The following ABCA13 variants were observed in gnomAD, a reference collection of about 807,000 sequenced individuals.
ABCA13 encodes ATP-binding cassette sub-family A member 13.
Under a neutral mutation model 478.7 loss-of-function variants are expected in ABCA13, and 476 were observed. The ratio of observed to expected loss-of-function variants is 0.99; its 90% CI spans 0.92 to 1.07. The LOEUF is 1.07. Among genes scored for constraint, ABCA13 ranks in the 50% least tolerant of loss-of-function variants. ABCA13 has a pLI of 0.00. For synonymous variants in ABCA13, 2,252 were observed against 2,158.9 expected, an observed-to-expected ratio of 1.04 and a Z score of -1.20; for missense variants, 6,060 against 5,910.6, an observed-to-expected ratio of 1.03 and a Z score of -0.83.
At chr7:48,481,489 A>G (rs547177906) in intron 46 of ABCA13, among the ~76,000 whole-genome samples, 28 of 152,322 alleles carry the variant, frequency 1.8e-4, no homozygotes, top group African/African-American at 6.0e-4. Context: ...TGCTGGGGGA[A>G]ATCCTATCAA....
In ABCA13 at chr7:48,352,472, G is replaced by C. The variant is rs907405811; in HGVS notation, c.10673G>C (p.Cys3558Ser). Residue 3558 changes from cysteine to serine, a missense_variant, in exon 31 of 62, where the codon TGC becomes TCC. By Grantham distance (112) the Cys-to-Ser change is moderately radical. Coordinates refer to ENST00000435803, the MANE Select transcript of ABCA13 (RefSeq NM_152701.5). ...CAGACTCAGGCGGCCCCTTACCCCT[G>C]CCATACCAGCGACCTGTGAGTAGCC... The part of the protein sequence containing the change: ...AAQTQAAPYP[C>S]HTSDLFLNNV... 8.1e-6 allele frequency: 13 copies of C among 1,604,358 alleles called. No homozygotes were observed. The highest frequency in any genetic ancestry group is 3.4e-5 in the Admixed American group (2 of 59,350).
intron 55 of ABCA13, among the ~76,000 whole-genome samples, chr7:48,548,814 T>G (rs4464912): frequency 0.73 from 110,951 of 151,334 alleles, 42,307 homozygotes; most frequent in African/African-American, 0.91. Flanking sequence ...ATGCCTTGCT[T>G]GCACAGCTTC....
At chr7:48,255,171 G>A (rs973404926) in intron 15 of ABCA13, among the ~76,000 whole-genome samples, 2 of 152,156 alleles carry the variant, frequency 1.3e-5, no homozygotes, top group African/African-American at 4.8e-5. Flanking sequence ...TAACCTCTGA[G>A]TGAGAAAGGC....
At chr7:48,282,462 C>T (rs1335823504) in intron 19 of ABCA13, among the ~76,000 whole-genome samples, 2 of 152,092 alleles carry the variant, frequency 1.3e-5, no homozygotes, top group Non-Finnish European at 2.9e-5. Context: ...GTTTTGACAA[C>T]ATGAATCGAA....
chr7:48,298,133 G>T (rs913732959), intron 22 of ABCA13, among the ~76,000 whole-genome samples: 8 of 152,074 alleles, frequency 5.3e-5, no homozygotes, highest in African/African-American at 1.7e-4. Context: ...AGGCCTTAGA[G>T]AGAGTAGACC....
In ABCA13 at chr7:48,516,824, T is replaced by C; in HGVS notation, c.13740T>C (p.Leu4580=). 1.2e-6 allele frequency: 2 copies of C among 1,613,806 alleles called. No individual in the cohort carries two copies. Among genetic ancestry groups the C allele is most frequent in the Non-Finnish European group, 1.7e-6 (2 of 1,179,720 alleles). Residue 4580 remains leucine (L), a synonymous_variant, in exon 52 of 62, where the codon CTT becomes CTC. Transcript: ENST00000435803. ...TCTCACTAAACTTCATCTTTGGCCT[T>C]TGTACCATGCTCATAACCATTATGC... is the stretch of plus-strand genomic sequence containing the variant. ...SYVSLNFIFG[L]CTMLITIMPR...
At chr7:48,563,424 T>C (rs912037881) in intron 55 of ABCA13, among the ~76,000 whole-genome samples, 6 of 152,002 alleles carry the variant, frequency 3.9e-5, no homozygotes, top group Admixed American at 3.3e-4. Context: ...GTCATTAAGG[T>C]TCTCCCTTGC....
At chr7:48,480,112 C>G (rs1205650591) in intron 45 of ABCA13, among the ~76,000 whole-genome samples, 1 of 152,172 alleles carries the variant, frequency 6.6e-6, no homozygotes, top group Non-Finnish European at 1.5e-5. Context: ...GACTGAAATA[C>G]GTTAGATCTC....
Position 48,508,003 on chromosome 7 carries a change from G to A in ABCA13, c.13478G>A (p.Gly4493Asp). The A allele has an allele frequency of 5.0e-6, 8 of 1,613,882 alleles. No homozygotes were observed. Among genetic ancestry groups the A allele is most frequent in the Non-Finnish European group, 5.9e-6 (7 of 1,179,848 alleles). The change falls in exon 50 of 62, where the codon GGC becomes GAC. Residue 4493 changes from glycine (G) to aspartate (D), a missense_variant. Gly to Asp is a moderately conservative substitution (Grantham distance 94). Around this residue, in one of 3 missense-constraint regions of ABCA13, gnomAD observed 1,627 missense variants for 1,571.0 expected, o/e 1.04. Transcript: ENST00000435803. Reference protein sequence around the residue: ...IGAKRLQHISGLGYRMYWFTN... With the variant: ...IGAKRLQHISDLGYRMYWFTN... ...GCCAAAAGGTTGCAGCACATAAGTG[G>A]CCTTGGCTACAGGATGTACTGGTTC...
At chr7:48,190,702 C>T (rs1275978148) in intron 1 of ABCA13, among the ~76,000 whole-genome samples, 7 of 152,048 alleles carry the variant, frequency 4.6e-5, no homozygotes, top group South Asian at 2.1e-4. Context: ...TTAAATCCTA[C>T]GGTGGAATAT....
rs141877511 is a variant in ABCA13 at position 48,499,957 on chromosome 7, G to A, written c.13292-6379G>A. Among the ~76,000 whole-genome samples the A allele has an allele frequency of 1.1e-4, 16 of 152,254 alleles. No homozygotes were observed. In the East Asian group the frequency reaches 2.5e-3, roughly 24 times the overall value. ...CCATTGCAATAATGTGTTTTTTACA[G>A]CAAGGGTATCAAAGACTACAAATGA... On this transcript the variant is annotated intron_variant, in intron 48 of 61. Transcript: ENST00000435803.
chr7:48,601,728 G>T (rs1463719991), intron 58 of ABCA13, among the ~76,000 whole-genome samples: 1 of 152,094 alleles, frequency 6.6e-6, no homozygotes, highest in Non-Finnish European at 1.5e-5. Flanking sequence ...AATCCTTTGG[G>T]TATATACCCA....
intron 44 of ABCA13, among the ~76,000 whole-genome samples, chr7:48,470,503 G>A (rs1038666366): frequency 1.3e-5 from 2 of 152,158 alleles, no homozygotes; most frequent in Non-Finnish European, 2.9e-5. Context: ...GATTAAATAC[G>A]TAACTCTCTT....
intron 41 of ABCA13, among the ~76,000 whole-genome samples, chr7:48,418,236 T>A (rs972996388): frequency 1.3e-5 from 2 of 152,194 alleles, no homozygotes; most frequent in Admixed American, 6.5e-5. Flanking sequence ...AGTAAGAGTG[T>A]CTTTAGTTTT....
chr7:48,504,164 G>A (rs1323057718), intron 48 of ABCA13, among the ~76,000 whole-genome samples: 1 of 152,194 alleles, frequency 6.6e-6, no homozygotes, highest in Non-Finnish European at 1.5e-5. Context: ...ACATATGCCT[G>A]CAGCCATAGA....
chr7:48,291,483 G>A (rs1798526827), intron 20 of ABCA13, among the ~76,000 whole-genome samples: 1 of 152,120 alleles, frequency 6.6e-6, no homozygotes, highest in Non-Finnish European at 1.5e-5. Flanking sequence ...AGCTGGGGAC[G>A]GGTTAGGTTT....
At chr7:48,392,432 AG>A (rs1170632710) in intron 38 of ABCA13, among the ~76,000 whole-genome samples, 8 of 152,194 alleles carry the variant, frequency 5.3e-5, no homozygotes, top group Admixed American at 3.3e-4. Flanking sequence ...CTGGAGTAAA[AG>A]GTCCCTAGGG....
At chr7:48,369,463 C>T (rs952553364) in intron 32 of ABCA13, among the ~76,000 whole-genome samples, 15 of 152,076 alleles carry the variant, frequency 9.9e-5, no homozygotes, top group African/African-American at 3.6e-4. Context: ...GAAGTATTTG[C>T]CTAAGCCAAT....
chr7:48,285,205 G>C (rs1370048227), intron 19 of ABCA13, among the ~76,000 whole-genome samples: 1 of 152,170 alleles, frequency 6.6e-6, no homozygotes, highest in African/African-American at 2.4e-5. Context: ...TCCAGTTGAA[G>C]AGACCTGAGA....
Sources: allele counts gnomAD v4.1 joint callset (sites outside exome capture counted in the v4.1 genomes callset), GRCh38; gene constraint gnomAD v4.1.1; regional missense constraint gnomAD v4.1.1; transcripts MANE v1.5; gene names NCBI Gene and HGNC (gene_info 2026-07-23, HGNC 2026-07-21).